ACAP2: variants seen among roughly 807,000 people sequenced by gnomAD.
ACAP2 encodes ArfGAP with coiled-coil, ankyrin repeat and PH domains 2.
In ACAP2, 39 loss-of-function variants were observed where a neutral mutation model predicts 115.8. That is an observed-to-expected ratio of 0.34 (90% confidence interval 0.26 to 0.44). The LOEUF (loss-of-function observed/expected upper bound fraction) is 0.44. ACAP2 is among the 20% of genes least tolerant of loss of function. ACAP2 has a pLI of 1.00. For synonymous variants in ACAP2, 289 were observed against 315.8 expected, an observed-to-expected ratio of 0.92 and a Z score of 0.90; for missense variants, 662 against 927.6, an observed-to-expected ratio of 0.71 and a Z score of 3.72.
chr3:195,418,976 G>A (rs1303018103), intron 1 of ACAP2, among the ~76,000 whole-genome samples: 1 of 152,034 alleles, frequency 6.6e-6, no homozygotes, highest in Non-Finnish European at 1.5e-5. Flanking sequence ...GCAAGAGACT[G>A]TATTGTTTTC....
At chr3:195,291,863 A>C in intron 19 of ACAP2, 48 bp from the exon 20 acceptor site, 1 of 1,487,006 alleles carries the variant, frequency 6.7e-7, no homozygotes, top group Non-Finnish European at 9.2e-7. Context: ...AATAACAAGA[A>C]ACAACAATAC....
chr3:195,289,812 A>G (rs889534849), intron 20 of ACAP2, among the ~76,000 whole-genome samples: 5 of 151,526 alleles, frequency 3.3e-5, no homozygotes, highest in African/African-American at 1.2e-4. Flanking sequence ...TCAAAAAAAA[A>G]AAAAAAAAGA....
intron 4 of ACAP2, among the ~76,000 whole-genome samples, chr3:195,350,693 C>G (rs1731505543): frequency 6.7e-6 from 1 of 150,334 alleles, no homozygotes; most frequent in African/African-American, 2.4e-5. Flanking sequence ...ATCAATAAAG[C>G]AGAAATTACC....
In ACAP2 at chr3:195,388,314, C is replaced by T. The variant is rs191580160; in HGVS notation, c.111+3776G>A. Among the ~76,000 whole-genome samples, 392 of 152,298 alleles carry T rather than the reference C, an allele frequency of 2.6e-3. 1 individual carries two copies. Among genetic ancestry groups the T allele is most frequent in the Middle Eastern group, 6.8e-3 (2 of 294 alleles). On this transcript the variant is annotated intron_variant, in intron 2 of 22. Coordinates refer to ENST00000326793, the MANE Select transcript of ACAP2 (RefSeq NM_012287.6). ...ATCTGCTCAATGGGGAACAAGCATG[C>T]CAGTCAGACAATGCAACACATGCAG...
In ACAP2 at chr3:195,295,860, T is replaced by A; in HGVS notation, c.1520A>T (p.Tyr507Phe). ...TTTATCCACAAATTTCCTCTCCACA[T>A]ATTTTGCTCTGATATATGCCTCCTT... ...QEKEAYIRAKYVERKFVDKYS... is the reference protein window; with the variant it reads ...QEKEAYIRAKFVERKFVDKYS... The change falls in exon 17 of 23, where the codon TAT becomes TTT. Residue 507 changes from tyrosine to phenylalanine, a missense_variant. Transcript: ENST00000326793. The A allele has an allele frequency of 6.2e-7, 1 of 1,613,546 alleles. No homozygotes were observed. The highest frequency in any genetic ancestry group is 1.1e-5 in the South Asian group (1 of 90,980).
intron 1 of ACAP2, among the ~76,000 whole-genome samples, chr3:195,424,594 C>T (rs1047623705): frequency 2.6e-5 from 4 of 151,646 alleles, no homozygotes; most frequent in Non-Finnish European, 2.9e-5. Context: ...CCACCGCGCC[C>T]GGCCAGTTTT....
intron 22 of ACAP2, among the ~76,000 whole-genome samples, chr3:195,281,847 G>A (rs1326676326): frequency 6.6e-6 from 1 of 152,160 alleles, no homozygotes; most frequent in African/African-American, 2.4e-5. Context: ...ATTAAAATAT[G>A]TAAAATATTT....
chr3:195,426,148 A>G (rs1714669541), intron 1 of ACAP2, among the ~76,000 whole-genome samples: 1 of 152,080 alleles, frequency 6.6e-6, no homozygotes, highest in Non-Finnish European at 1.5e-5. Context: ...TTCCTCTTGC[A>G]CACCCTGCTC....
At chr3:195,388,462 A>G (rs1364891529) in intron 2 of ACAP2, among the ~76,000 whole-genome samples, 1 of 152,240 alleles carries the variant, frequency 6.6e-6, no homozygotes, top group Admixed American at 6.5e-5. Context: ...TATTCACCAC[A>G]AAGAATGAAC....
intron 2 of ACAP2, among the ~76,000 whole-genome samples, chr3:195,384,487 G>A (rs909086679): frequency 5.3e-5 from 8 of 152,154 alleles, no homozygotes; most frequent in Middle Eastern, 3.2e-3. Context: ...AAAACTTTGG[G>A]AGGCCAAGTT....
chr3:195,390,516 T>C (rs968699822), intron 2 of ACAP2, among the ~76,000 whole-genome samples: 1 of 152,210 alleles, frequency 6.6e-6, no homozygotes, highest in Non-Finnish European at 1.5e-5. Flanking sequence ...GTGTGTTTCA[T>C]GGTTTCAAAA....
intron 4 of ACAP2, among the ~76,000 whole-genome samples, chr3:195,378,086 G>GGGA (rs1553862123): frequency 7.3e-6 from 1 of 137,058 alleles, no homozygotes; most frequent in East Asian, 2.4e-4. Context: ...AAGGGAGGAA[G>GGGA]GGAGGAGGAG....
chr3:195,334,222 C>CA (rs34378421), intron 7 of ACAP2, among the ~76,000 whole-genome samples: 7,014 of 127,952 alleles, frequency 0.055, 282 homozygotes, highest in South Asian at 0.12. Flanking sequence ...AAACTATTTT[C>CA]AAAAAAAAAA....
chr3:195,327,090 TAA>T (rs1262020025), intron 8 of ACAP2, 131 bp from the exon 9 acceptor site: 1 of 877,316 alleles, frequency 1.1e-6, no homozygotes, highest in African/African-American at 1.7e-5. Context: ...AAGTTTTGGC[TAA>T]ATTTTGAAGT....
chr3:195,304,189 AAAAAAAC>A (rs1363380429), intron 13 of ACAP2, among the ~76,000 whole-genome samples: 11 of 150,474 alleles, frequency 7.3e-5, no homozygotes, highest in African/African-American at 2.7e-4. Flanking sequence ...AAAAAAAAAA[AAAAAAAC>A]TTCCCTGTAA....
In ACAP2 at chr3:195,295,830, G is replaced by C. The variant is rs763765218; in HGVS notation, c.1550C>G (p.Ser517Cys). The C allele has an allele frequency of 1.2e-6, 2 of 1,613,836 alleles. No individual in the cohort carries two copies. Among genetic ancestry groups the C allele is most frequent in the South Asian group, 2.2e-5 (2 of 91,060 alleles). Residue 517 changes from serine (S) to cysteine (C), a missense_variant, in exon 17 of 23, where the codon TCT becomes TGT. By Grantham distance (112) the Ser-to-Cys change is moderately radical. This residue lies in a region of ACAP2 where 133 missense variants were observed against 123.1 expected (regional missense o/e 1.08). Transcript: ENST00000326793. Reference protein sequence around the residue: ...YVERKFVDKYSISLSPPEQQK... With the variant: ...YVERKFVDKYCISLSPPEQQK... ...CTGCTCAGGAGGTGATAATGATATA[G>C]AATATTTATCCACAAATTTCCTCTC...
intron 1 of ACAP2, among the ~76,000 whole-genome samples, chr3:195,440,978 C>A (rs1449649804): frequency 6.6e-6 from 1 of 152,018 alleles, no homozygotes; most frequent in African/African-American, 2.4e-5. Context: ...TCAAGTTTAA[C>A]AAAAGTTCAC....
intron 2 of ACAP2, among the ~76,000 whole-genome samples, chr3:195,389,800 G>A (rs1734535331): frequency 6.6e-6 from 1 of 152,192 alleles, no homozygotes; most frequent in Non-Finnish European, 1.5e-5. Flanking sequence ...AAGACTTGCT[G>A]GAAGCCAGCT....
At chr3:195,418,121 C>T (rs1713891920) in intron 1 of ACAP2, among the ~76,000 whole-genome samples, 4 of 152,176 alleles carry the variant, frequency 2.6e-5, no homozygotes, top group African/African-American at 4.8e-5. Flanking sequence ...ACAGTTCTCT[C>T]TGCCAGAAGC....
Sources: gnomAD v4.1 joint callset for allele counts (sites outside exome capture counted in the v4.1 genomes callset) on GRCh38, gnomAD v4.1.1 for gene constraint, gnomAD v4.1.1 regional missense constraint, MANE v1.5 for transcripts, NCBI Gene and HGNC (gene_info 2026-07-23, HGNC 2026-07-21) for gene names.